SHLD1: variants seen among roughly 807,000 people sequenced by gnomAD.
SHLD1 encodes the protein shieldin complex subunit 1.
In SHLD1, 3 loss-of-function variants were observed where a neutral mutation model predicts 5.5. The ratio of observed to expected loss-of-function variants is 0.54; its 90% confidence interval spans 0.25 to 1.40. The LOEUF (loss-of-function observed/expected upper bound fraction) is 1.40, where lower values mean the gene tolerates loss of function less well. SHLD1 is among the 40% of genes most tolerant of loss of function. SHLD1 has a pLI of 0.15. For missense variants in SHLD1, 210 were observed against 244.4 expected (o/e 0.86, Z 0.94); for synonymous variants, 92 against 94.3 (o/e 0.98, Z 0.14).
chr20:5,797,479 T>C (rs2087229926), intron 2 of SHLD1, among the ~76,000 whole-genome samples: 1 of 152,144 alleles, frequency 6.6e-6, no homozygotes, highest in Admixed American at 6.6e-5. Flanking sequence ...GGAGGATTGC[T>C]TGAGTCCTGG....
At chr20:5,798,034 C>T (rs2087236461) in intron 2 of SHLD1, among the ~76,000 whole-genome samples, 1 of 152,202 alleles carries the variant, frequency 6.6e-6, no homozygotes, top group Non-Finnish European at 1.5e-5. Flanking sequence ...TGTGCTTCAG[C>T]TGAGTGGTTC....
At chr20:5,779,446 A>G (rs926335584) in intron 2 of SHLD1, among the ~76,000 whole-genome samples, 3 of 152,140 alleles carry the variant, frequency 2.0e-5, no homozygotes, top group Non-Finnish European at 2.9e-5. Flanking sequence ...AGCTGTAGTT[A>G]CGGGTTCTCT....
intron 2 of SHLD1, among the ~76,000 whole-genome samples, chr20:5,782,797 C>G (rs995600374): frequency 3.3e-5 from 5 of 151,988 alleles, no homozygotes; most frequent in Admixed American, 3.3e-4. Flanking sequence ...ATTCATATTT[C>G]TTTGGAATTC....
chr20:5,844,783 A>ATTTT (rs1568528922), intron 2 of SHLD1, among the ~76,000 whole-genome samples: 1 of 99,970 alleles, frequency 1.0e-5, no homozygotes, highest in South Asian at 3.2e-4. Context: ...ATATATATAT[A>ATTTT]TATATATATA....
chr20:5,754,917 G>A lies in SHLD1; in HGVS notation c.-5+4438G>A, dbSNP rs138491429. 8.7e-4 allele frequency among the ~76,000 whole-genome samples: 133 copies of A among 152,246 alleles called. 2 individuals carry two copies. The East Asian group carries it at 0.024, about 27-fold the overall frequency. ...CTAAAAATACAAAAATTACCTGGGC[G>A]TGGTGGCACATGCCTGTAATTCCAG... On this transcript the variant is annotated intron_variant, in intron 1 of 2. Transcript: ENST00000303142.
intron 2 of SHLD1, among the ~76,000 whole-genome samples, chr20:5,861,401 A>T (rs528184185): frequency 1.3e-5 from 2 of 152,324 alleles, no homozygotes; most frequent in East Asian, 3.9e-4. Flanking sequence ...AGTACCTCAG[A>T]TGAGGGACAT....
intron 2 of SHLD1, among the ~76,000 whole-genome samples, chr20:5,823,738 G>A (rs1454287302): frequency 2.0e-5 from 3 of 152,146 alleles, no homozygotes; most frequent in African/African-American, 7.2e-5. Context: ...ATGAGTCACC[G>A]CGCCCAGCCA....
chr20:5,850,125 A>AATAATAATAATC (rs2087988689), intron 2 of SHLD1, among the ~76,000 whole-genome samples: 1 of 141,472 alleles, frequency 7.1e-6, no homozygotes, highest in Non-Finnish European at 1.5e-5. Flanking sequence ...TAATAATAAT[A>AATAATAATAATC]ATAATAATAA....
chr20:5,838,779 A>G (rs2122461248), intron 2 of SHLD1, among the ~76,000 whole-genome samples: 1 of 152,388 alleles, frequency 6.6e-6, no homozygotes, highest in East Asian at 1.9e-4. Flanking sequence ...CTCTGTCTCA[A>G]AAATAAATAA....
intron 1 of SHLD1, among the ~76,000 whole-genome samples, chr20:5,763,303 AAAAAAAAAAG>A (rs1984583142): frequency 6.6e-6 from 1 of 151,430 alleles, no homozygotes; most frequent in Non-Finnish European, 1.5e-5. Flanking sequence ...AAAAAAAAAA[AAAAAAAAAAG>A]AACTGTGCCT....
chr20:5,817,432 CTGTGTGTGTGTGTGTGTGTG>C (rs1190340129), intron 2 of SHLD1, among the ~76,000 whole-genome samples: 2 of 85,588 alleles, frequency 2.3e-5, no homozygotes, highest in African/African-American at 1.1e-4. Context: ...CTCTCTCTCT[CTGTGTGTGTGTGTGTGTGTG>C]TGTGTGTGTG....
intron 2 of SHLD1, among the ~76,000 whole-genome samples, chr20:5,790,933 C>A (rs2087129463): frequency 6.6e-6 from 1 of 152,104 alleles, no homozygotes; most frequent in African/African-American, 2.4e-5. Context: ...GAGGCTGAGG[C>A]AGGTGGATCA....
intron 2 of SHLD1, among the ~76,000 whole-genome samples, chr20:5,828,775 A>G (rs2087694986): frequency 6.6e-6 from 1 of 152,214 alleles, no homozygotes; most frequent in Non-Finnish European, 1.5e-5. Flanking sequence ...AAGATGTGTA[A>G]TAGGCATTAT....
Position 5,863,821 on chromosome 20 carries a change from C to G in SHLD1, c.*358C>G, listed in dbSNP as rs1294685236. 2 of 188,090 alleles carry G rather than the reference C, an allele frequency of 1.1e-5. No homozygotes were observed. The highest frequency in any genetic ancestry group is 1.2e-4 in the Admixed American group (2 of 17,094). 11.7% of individuals were successfully genotyped at this position (188,090 alleles called of 1,614,324 possible). A position where few individuals can be genotyped will look rare whatever the true frequency, so the allele number is the denominator to read the frequency against. On this transcript the variant is annotated 3_prime_UTR_variant, in exon 3 of 3. Coordinates refer to ENST00000303142, the MANE Select transcript of SHLD1 (RefSeq NM_152504.4). Reference sequence around the variant, plus strand: ...GAGGCTGGGACATTACATGAAATCACACCCTTGCTGGGCTTAATCCCTTTC... The same window carrying G: ...GAGGCTGGGACATTACATGAAATCAGACCCTTGCTGGGCTTAATCCCTTTC...
At chr20:5,753,455 G>A (rs1230732954) in intron 1 of SHLD1, among the ~76,000 whole-genome samples, 5 of 152,168 alleles carry the variant, frequency 3.3e-5, no homozygotes, top group Non-Finnish European at 5.9e-5. Flanking sequence ...GAGGGTTAGG[G>A]AGTCCTTGGT....
Position 5,855,662 on chromosome 20 carries a change from G to A in SHLD1, c.179-7362G>A, listed in dbSNP as rs759769811. On this transcript the variant is annotated intron_variant, in intron 2 of 2. Transcript: ENST00000303142. This position sits in a 1 kb window ranked among gnomAD's most constrained non-coding sequence, Gnocchi z 4.4. ...GCTGGGATTATAGACATGAGCCGCC[G>A]CACCTGGCCTGCCAACCACATTTTA... is the stretch of plus-strand genomic sequence containing the variant. Among the ~76,000 whole-genome samples, 12 of 152,166 alleles carry A rather than the reference G, an allele frequency of 7.9e-5. No homozygotes were observed. Among genetic ancestry groups the A allele is most frequent in the African/African-American group, 1.2e-4 (5 of 41,430 alleles).
intron 2 of SHLD1, among the ~76,000 whole-genome samples, chr20:5,789,308 G>A (rs2087105880): frequency 1.3e-5 from 2 of 151,044 alleles, no homozygotes; most frequent in Admixed American, 1.3e-4. Context: ...CAGGTGCAGT[G>A]GCTCACACCT....
chr20:5,847,215 G>A (rs765251870), intron 2 of SHLD1, among the ~76,000 whole-genome samples: 1 of 152,074 alleles, frequency 6.6e-6, no homozygotes, highest in African/African-American at 2.4e-5. Flanking sequence ...CAGTGATCCT[G>A]GAGACTTGGT....
At chr20:5,776,793 A>G (rs1178883751) in intron 2 of SHLD1, among the ~76,000 whole-genome samples, 11 of 151,950 alleles carry the variant, frequency 7.2e-5, no homozygotes, top group Admixed American at 7.2e-4. Context: ...ATAAGTAAGC[A>G]TAAAAAAAAA....
Sources: allele counts gnomAD v4.1 joint callset (sites outside exome capture counted in the v4.1 genomes callset), GRCh38; gene constraint gnomAD v4.1.1; non-coding constraint Gnocchi (gnomAD v3.1); transcripts MANE v1.5; gene names NCBI Gene and HGNC (gene_info 2026-07-23, HGNC 2026-07-21).